The following NEMP2 variants were observed in gnomAD, a reference collection of about 807,000 sequenced individuals.
NEMP2 encodes the protein UPF0571 transmembrane protein.
NEMP2 carries 53 observed loss-of-function variants against 54.2 expected under a neutral mutation model. That is an observed-to-expected ratio of 0.98 (90% CI 0.78 to 1.23). The LOEUF (loss-of-function observed/expected upper bound fraction) is 1.23, where lower values mean the gene tolerates loss of function less well. NEMP2 is among the 50% of genes most tolerant of loss of function. The pLI is 0.00. For synonymous variants in NEMP2, 197 were observed against 190.3 expected (o/e 1.04, Z -0.29); for missense variants, 455 against 511.3 (o/e 0.89, Z 1.06).
At chr2:190,524,100 C>A (rs1229601480) in intron 2 of NEMP2, among the ~76,000 whole-genome samples, 1 of 151,184 alleles carries the variant, frequency 6.6e-6, no homozygotes, top group Non-Finnish European at 1.5e-5. Context: ...TCAAGTAGTT[C>A]CAGCTACTTG....
chr2:190,593,431 A>T, the NEMP2 span, among the ~76,000 whole-genome samples: 5 of 152,132 alleles, frequency 3.3e-5, no homozygotes, highest in East Asian at 9.6e-4. This position sits in a 1 kb window ranked among gnomAD's most constrained non-coding sequence, Gnocchi z 4.5. Flanking sequence ...GCCCCAGGGT[A>T]TTTTTCTGGT....
the NEMP2 span, among the ~76,000 whole-genome samples, chr2:190,572,833 G>GTGTATATATATATA: frequency 2.1e-5 from 1 of 47,866 alleles, no homozygotes; most frequent in East Asian, 9.2e-4. Flanking sequence ...CTTTTCATGA[G>GTGTATATATATATA]TATATATATA....
the NEMP2 span, among the ~76,000 whole-genome samples, chr2:190,642,296 G>T: frequency 5.9e-5 from 9 of 152,220 alleles, no homozygotes; most frequent in African/African-American, 1.9e-4. The surrounding 1 kb of genome is among the most constrained non-coding windows in gnomAD (Gnocchi z 4.1). Context: ...TAAGCAATTG[G>T]AAACTAAACT....
the NEMP2 span, among the ~76,000 whole-genome samples, chr2:190,592,699 C>CT: frequency 2.0e-5 from 3 of 152,154 alleles, no homozygotes; most frequent in South Asian, 2.1e-4. The surrounding 1 kb of genome is among the most constrained non-coding windows in gnomAD (Gnocchi z 4.4). Flanking sequence ...GAGACAGGCT[C>CT]TTTTTTGTTA....
At chr2:190,592,118 C>G in the NEMP2 span, among the ~76,000 whole-genome samples, 1 of 152,110 alleles carries the variant, frequency 6.6e-6, no homozygotes, top group African/African-American at 2.4e-5. This position sits in a 1 kb window ranked among gnomAD's most constrained non-coding sequence, Gnocchi z 4.4. Context: ...GACCCCTCCC[C>G]CAGAGGTGCA....
chr2:190,549,237 T>C, the NEMP2 span, among the ~76,000 whole-genome samples: 1 of 152,228 alleles, frequency 6.6e-6, no homozygotes, highest in South Asian at 2.1e-4. Context: ...AGTGAGGCTA[T>C]AGGTTTTGTG....
Position 190,508,899 on chromosome 2 carries a change from T to A in NEMP2, c.*290A>T. On this transcript the variant is annotated 3_prime_UTR_variant, in exon 9 of 9. Transcript: ENST00000409150. The surrounding 1 kb of genome is among the most constrained non-coding windows in gnomAD (Gnocchi z 4.3). ...GCACCTGTTCATGCTTACTAGCCCCTTAAGAACAACGCCATTCCCCTGTTC... is the reference window on the plus strand; with the variant it reads ...GCACCTGTTCATGCTTACTAGCCCCATAAGAACAACGCCATTCCCCTGTTC... The A allele has an allele frequency of 2.6e-6, 1 of 381,392 alleles. No homozygotes were observed. 23.6% of individuals were successfully genotyped at this position (381,392 alleles called of 1,614,324 possible). A position where few individuals can be genotyped will look rare whatever the true frequency, so the allele number is the denominator to read the frequency against.
the NEMP2 span, among the ~76,000 whole-genome samples, chr2:190,632,221 G>A: frequency 1.3e-5 from 2 of 152,210 alleles, no homozygotes; most frequent in Admixed American, 1.3e-4. This position sits in a 1 kb window ranked among gnomAD's most constrained non-coding sequence, Gnocchi z 4.8. Context: ...ACAGGGCTCT[G>A]TGGAAGTATG....
the NEMP2 span, chr2:190,617,074 C>T: frequency 6.6e-6 from 1 of 151,756 alleles, no homozygotes. This position sits in a 1 kb window ranked among gnomAD's most constrained non-coding sequence, Gnocchi z 5.0. Context: ...TGGAGTGAGC[C>T]CCGATCGCGC....
chr2:190,618,540 A>G, the NEMP2 span, among the ~76,000 whole-genome samples: 1 of 152,058 alleles, frequency 6.6e-6, no homozygotes, highest in Non-Finnish European at 1.5e-5. Flanking sequence ...GGGATAGATG[A>G]TATTATCTTT....
chr2:190,467,065 A>G, the NEMP2 span, among the ~76,000 whole-genome samples: 1 of 152,238 alleles, frequency 6.6e-6, no homozygotes, highest in African/African-American at 2.4e-5. This position sits in a 1 kb window ranked among gnomAD's most constrained non-coding sequence, Gnocchi z 5.5. Context: ...CTCAAAAGAC[A>G]GCTTCAGGAT....
chr2:190,636,076 G>A, the NEMP2 span, among the ~76,000 whole-genome samples: 1 of 152,112 alleles, frequency 6.6e-6, no homozygotes, highest in Non-Finnish European at 1.5e-5. Flanking sequence ...TATTGCTCAG[G>A]CTAGTTGCTA....
the NEMP2 span, among the ~76,000 whole-genome samples, chr2:190,496,658 ATGTG>A: frequency 0.011 from 1,709 of 151,896 alleles, 37 homozygotes; most frequent in African/African-American, 0.038. The surrounding 1 kb of genome is among the most constrained non-coding windows in gnomAD (Gnocchi z 4.7). Flanking sequence ...ATATGTGTAT[ATGTG>A]TGTGTATGTG....
At chr2:190,639,097 C>T in the NEMP2 span, among the ~76,000 whole-genome samples, 11 of 152,124 alleles carry the variant, frequency 7.2e-5, no homozygotes, top group African/African-American at 2.7e-4. Context: ...GGAAAAGAGA[C>T]TATTTGTGAC....
chr2:190,437,493 G>C, the NEMP2 span: 1 of 1,614,222 alleles, frequency 6.2e-7, no homozygotes, highest in African/African-American at 1.3e-5. The surrounding 1 kb of genome is among the most constrained non-coding windows in gnomAD (Gnocchi z 5.9). Context: ...GTTCAGTCCT[G>C]AGTCATGTGT....
the NEMP2 span, among the ~76,000 whole-genome samples, chr2:190,473,439 G>A: frequency 1.3e-5 from 2 of 151,872 alleles, no homozygotes; most frequent in Non-Finnish European, 2.9e-5. Flanking sequence ...TTGCAATCCT[G>A]GTCTCTGATA....
chr2:190,604,252 C>T, the NEMP2 span, among the ~76,000 whole-genome samples: 1 of 152,142 alleles, frequency 6.6e-6, no homozygotes, highest in Admixed American at 6.5e-5. The surrounding 1 kb of genome is among the most constrained non-coding windows in gnomAD (Gnocchi z 4.5). Context: ...TGATTTCATC[C>T]GTTTGAGGGT....
At chr2:190,644,291 G>A in the NEMP2 span, among the ~76,000 whole-genome samples, 1 of 152,244 alleles carries the variant, frequency 6.6e-6, no homozygotes, top group East Asian at 1.9e-4. This position sits in a 1 kb window ranked among gnomAD's most constrained non-coding sequence, Gnocchi z 4.4. Flanking sequence ...TGTTCAGTAT[G>A]TGGTTTACTG....
the NEMP2 span, among the ~76,000 whole-genome samples, chr2:190,479,350 A>G: frequency 6.6e-6 from 1 of 152,228 alleles, no homozygotes; most frequent in Non-Finnish European, 1.5e-5. Flanking sequence ...AGCAGAAAAC[A>G]TATTTCCTAC....
Sources: gnomAD v4.1 joint callset for allele counts (sites outside exome capture counted in the v4.1 genomes callset) on GRCh38, gnomAD v4.1.1 for gene constraint, Gnocchi (gnomAD v3.1) non-coding constraint, MANE v1.5 for transcripts, NCBI Gene and HGNC (gene_info 2026-07-23, HGNC 2026-07-21) for gene names.